NTN1: variants seen among roughly 807,000 people sequenced by gnomAD.
NTN1 encodes the protein netrin-1.
NTN1 carries 11 observed loss-of-function variants against 54.2 expected under a neutral mutation model. The ratio of observed to expected loss-of-function variants is 0.20; its 90% CI spans 0.13 to 0.34. The LOEUF (loss-of-function observed/expected upper bound fraction) is 0.34. NTN1 is among the 10% of genes least tolerant of loss of function. NTN1 has a pLI of 1.00. For missense variants in NTN1, 740 were observed against 893.1 expected (o/e 0.83, Z 2.18); for synonymous variants, 371 against 382.0 (o/e 0.97, Z 0.33).
chr17:9,167,437 G>A (rs2092376402), intron 3 of NTN1, among the ~76,000 whole-genome samples: 1 of 152,158 alleles, frequency 6.6e-6, no homozygotes. Context: ...CATTCCAGGA[G>A]TCTCCCGTGA....
chr17:9,180,008 G>A (rs1344547513), intron 4 of NTN1, 52 bp downstream of exon 4: 1 of 1,568,998 alleles, frequency 6.4e-7, no homozygotes, highest in Non-Finnish European at 8.6e-7. Flanking sequence ...GGGGGACAGT[G>A]AGCTTTTGAG....
At position 9,240,087 on chromosome 17, in the gene NTN1, AGGGGGCGGGGCCGCACGGCGCG is replaced by A. The variant is rs890248472; in HGVS notation, c.*129_*150del. On this transcript the variant is annotated 3_prime_UTR_variant, in exon 7 of 7. Coordinates refer to ENST00000173229, the MANE Select transcript of NTN1 (RefSeq NM_004822.3). ...AGGGCTTTCCCAGGTGGGGGGAGGG[AGGGGGCGGGGCCGCACGGCGCG>A]GGGGGCGGGACCCTCGGCGGCCCCT... 2.7e-3 allele frequency: 6 copies of A among 2,256 alleles called. No individual in the cohort carries two copies. The highest frequency in any genetic ancestry group is 5.1e-3 in the Non-Finnish European group (6 of 1,182). The allele number at this position is 2,256 out of a possible 1,614,324, so 0.1% of individuals were successfully genotyped here.
chr17:9,239,699 A>G lies in NTN1; in HGVS notation c.1546A>G (p.Asn516Asp). Residue 516 changes from asparagine (N) to aspartate (D), a missense_variant, in exon 7 of 7, where the codon AAC (asparagine) becomes GAC (aspartate). By Grantham distance (23) the Asn-to-Asp change is conservative. Transcript: ENST00000173229. The surrounding 1 kb of genome is among the most constrained non-coding windows in gnomAD (Gnocchi z 5.2). ...GGGGGACTGGTGGAAGTTCACGGTG[A>G]ACATCATCTCCGTGTATAAGCAGGG... ...KAGDWWKFTV[N>D]IISVYKQGTS... 6.2e-7 allele frequency: 1 copy of G among 1,613,416 alleles called. No homozygotes were observed. The highest frequency in any genetic ancestry group is 1.6e-4 in the Middle Eastern group (1 of 6,062).
chr17:9,201,490 C>T (rs1461605997), intron 5 of NTN1, among the ~76,000 whole-genome samples: 1 of 152,182 alleles, frequency 6.6e-6, no homozygotes, highest in Non-Finnish European at 1.5e-5. Context: ...TTAACTTGTC[C>T]CAAGGGGACT....
chr17:9,069,131 A>G (rs1204925697), intron 2 of NTN1, among the ~76,000 whole-genome samples: 1 of 152,156 alleles, frequency 6.6e-6, no homozygotes, highest in Non-Finnish European at 1.5e-5. Flanking sequence ...CTTCAGTACC[A>G]GGAGCACTGT....
At chr17:9,205,848 G>A (rs542047033) in intron 5 of NTN1, among the ~76,000 whole-genome samples, 15 of 152,384 alleles carry the variant, frequency 9.8e-5, no homozygotes, top group African/African-American at 2.9e-4. Flanking sequence ...GGCCATGGCC[G>A]TCCTAATACC....
rs540491936 is a variant in NTN1, at chr17:9,131,432, CTGAATGAA to C, written c.1019-31364_1019-31357del. Among the ~76,000 whole-genome samples the C allele has an allele frequency of 4.3e-3, 652 of 152,202 alleles. 6 individuals carry two copies. Among genetic ancestry groups the C allele is most frequent in the African/African-American group, 0.014 (591 of 41,522 alleles). ...CGCATAGGCTTTTGAGAAATATTTGCTGAATGAATGAATGAATGAATGAAGTGCATCCT... is the reference window on the plus strand; with the variant it reads ...CGCATAGGCTTTTGAGAAATATTTGCTGAATGAATGAATGAAGTGCATCCT... On this transcript the variant is annotated intron_variant, in intron 2 of 6. Transcript: ENST00000173229.
In NTN1 at chr17:9,240,522, G is replaced by C. The variant is rs1906175442; in HGVS notation, c.*554G>C. The C allele has an allele frequency of 6.6e-6, 1 of 152,326 alleles. No individual in the cohort carries two copies. The highest frequency in any genetic ancestry group is 1.5e-5 in the Non-Finnish European group (1 of 68,126). 9.4% of individuals were successfully genotyped at this position (152,326 alleles called of 1,614,324 possible). A position where few individuals can be genotyped will look rare whatever the true frequency, so the allele number is the denominator to read the frequency against. On this transcript the variant is annotated 3_prime_UTR_variant, in exon 7 of 7. Coordinates refer to ENST00000173229, the MANE Select transcript of NTN1 (RefSeq NM_004822.3). The stretch of plus-strand genomic sequence containing the variant: ...CCGGCCCCTTCTAGCAGTTCCCCGC[G>C]GGCCACCTGGCTGTCACAGCCTGGA...
Position 9,132,541 on chromosome 17 carries a change from T to G in NTN1, c.1019-30272T>G, listed in dbSNP as rs2092269071. Reference sequence around the variant, plus strand: ...TTTAATCCTAGCACTGTGTCTGGCATGAGGCTGTCCTGGATGTTTAATAAA... The same window carrying G: ...TTTAATCCTAGCACTGTGTCTGGCAGGAGGCTGTCCTGGATGTTTAATAAA... On this transcript the variant is annotated intron_variant, in intron 2 of 6. Coordinates refer to ENST00000173229, the MANE Select transcript of NTN1 (RefSeq NM_004822.3). Among the ~76,000 whole-genome samples, 4 of 152,330 alleles carry G rather than the reference T, an allele frequency of 2.6e-5. No homozygotes were observed. The South Asian group carries it at 8.3e-4, about 32-fold the overall frequency.
At chr17:9,184,744 ATTT>A (rs1164621826) in intron 5 of NTN1, among the ~76,000 whole-genome samples, 1 of 152,176 alleles carries the variant, frequency 6.6e-6, no homozygotes, top group East Asian at 1.9e-4. Flanking sequence ...TTGATTTTGA[ATTT>A]TTCCCCTTCC....
chr17:9,170,705 C>T (rs1252309379), intron 3 of NTN1, among the ~76,000 whole-genome samples: 2 of 152,178 alleles, frequency 1.3e-5, no homozygotes, highest in Non-Finnish European at 2.9e-5. Flanking sequence ...GAAGACCAGG[C>T]AGCATCTGAG....
intron 2 of NTN1, among the ~76,000 whole-genome samples, chr17:9,053,343 C>T (rs919849928): frequency 6.6e-6 from 1 of 152,204 alleles, no homozygotes; most frequent in African/African-American, 2.4e-5. Context: ...TTAGCCCTTC[C>T]TGTTGCTACT....
intron 2 of NTN1, among the ~76,000 whole-genome samples, chr17:9,030,322 C>G (rs2091884974): frequency 6.6e-6 from 1 of 152,240 alleles, no homozygotes. Flanking sequence ...GTGCTCCGCT[C>G]TTGCCTGTGT....
intron 2 of NTN1, among the ~76,000 whole-genome samples, chr17:9,059,658 G>T (rs2091989886): frequency 6.6e-6 from 1 of 152,176 alleles, no homozygotes; most frequent in African/African-American, 2.4e-5. Context: ...GGAGGAAGGG[G>T]AAATGGGGAG....
At chr17:9,153,754 G>T (rs566372261) in intron 2 of NTN1, among the ~76,000 whole-genome samples, 1 of 152,132 alleles carries the variant, frequency 6.6e-6, no homozygotes, top group African/African-American at 2.4e-5. Context: ...AGGTAGAAGC[G>T]GGTCCTGTTT....
Position 9,102,499 on chromosome 17 carries a change from A to G in NTN1, c.1019-60314A>G, listed in dbSNP as rs1247941372. 5.3e-5 allele frequency among the ~76,000 whole-genome samples: 8 copies of G among 152,148 alleles called. 1 individual carries two copies. The highest frequency in any genetic ancestry group is 5.2e-4 in the Admixed American group (8 of 15,288). ...GGTCCTTCCCATATCCCCATAACAC[A>G]TGGGGATTATGGGAACGACAATTCA... On this transcript the variant is annotated intron_variant, in intron 2 of 6. Transcript: ENST00000173229.
At chr17:9,195,192 A>ACCGCCCCCCC (rs3031881) in intron 5 of NTN1, among the ~76,000 whole-genome samples, 7 of 142,510 alleles carry the variant, frequency 4.9e-5, no homozygotes, top group Non-Finnish European at 6.1e-5. Flanking sequence ...GGCGAGCTCT[A>ACCGCCCCCCC]CCACCCCTCC....
intron 5 of NTN1, among the ~76,000 whole-genome samples, chr17:9,216,454 T>C (rs1196810121): frequency 1.3e-5 from 2 of 152,182 alleles, no homozygotes; most frequent in Non-Finnish European, 2.9e-5. Context: ...ATGGCTGTTT[T>C]TAAGCTACAG....
Position 9,212,128 on chromosome 17 carries a change from T to G in NTN1, c.1412-9040T>G, listed in dbSNP as rs1000868921. ...TGATGGATTGGGTCAGCGAGACTAGTACAGGCTTAGAGAGATGGGTGGGGG... is the reference window on the plus strand; with the variant it reads ...TGATGGATTGGGTCAGCGAGACTAGGACAGGCTTAGAGAGATGGGTGGGGG... On this transcript the variant is annotated intron_variant, in intron 5 of 6. Coordinates refer to ENST00000173229, the MANE Select transcript of NTN1 (RefSeq NM_004822.3). This position sits in a 1 kb window ranked among gnomAD's most constrained non-coding sequence, Gnocchi z 5.5. 6.6e-6 allele frequency among the ~76,000 whole-genome samples: 1 copy of G among 152,196 alleles called. No homozygotes were observed. The highest frequency in any genetic ancestry group is 1.5e-5 in the Non-Finnish European group (1 of 68,034).
Sources: allele counts gnomAD v4.1 joint callset (sites outside exome capture counted in the v4.1 genomes callset), GRCh38; gene constraint gnomAD v4.1.1; non-coding constraint Gnocchi (gnomAD v3.1); transcripts MANE v1.5; gene names NCBI Gene and HGNC (gene_info 2026-07-23, HGNC 2026-07-21).